ZCCHC14: variants seen among roughly 807,000 people sequenced by gnomAD.
ZCCHC14 encodes the protein zinc finger CCHC domain-containing protein 14.
ZCCHC14 carries 16 observed loss-of-function variants against 85.0 expected under a neutral mutation model. The ratio of observed to expected loss-of-function variants is 0.19; its 90% CI spans 0.13 to 0.29. The LOEUF (loss-of-function observed/expected upper bound fraction) is 0.29, where lower values mean the gene tolerates loss of function less well. Among genes scored for constraint, ZCCHC14 ranks in the 10% least tolerant of loss-of-function variants. The pLI is 1.00. For missense variants in ZCCHC14, 1,303 were observed against 1,443.5 expected (o/e 0.90, Z 1.58); for synonymous variants, 775 against 630.7 (o/e 1.23, Z -3.43).
At position 87,413,086 on chromosome 16, in the gene ZCCHC14, C is replaced by G. The variant is rs759088374; in HGVS notation, c.1713G>C (p.Glu571Asp). 6.2e-7 allele frequency: 1 copy of G among 1,614,136 alleles called. No individual in the cohort carries two copies. The highest frequency in any genetic ancestry group is 8.5e-7 in the Non-Finnish European group (1 of 1,180,034). Residue 571 changes from glutamate to aspartate, a missense_variant, in exon 11 of 13, where the codon GAG becomes GAC. Physicochemically the swap from Glu to Asp is conservative, Grantham distance 45. Coordinates refer to ENST00000671377, the MANE Select transcript of ZCCHC14 (RefSeq NM_015144.3). The part of the protein sequence containing the change: ...SSPMGVQARE[E>D]SSDSAEENDR... ...CATTCTCCTCAGCGCTGTCGGAGCT[C>G]TCTTCCCGGGCCTGTACCCCCATGG...
intron 3 of ZCCHC14, among the ~76,000 whole-genome samples, chr16:87,430,283 C>G (rs1486405384): frequency 6.6e-6 from 1 of 152,132 alleles, no homozygotes; most frequent in East Asian, 1.9e-4. Flanking sequence ...TCCAGGGTGT[C>G]TGCTGAAAAG....
At chr16:87,438,370 C>G (rs1461594870) in intron 2 of ZCCHC14, among the ~76,000 whole-genome samples, 1 of 152,216 alleles carries the variant, frequency 6.6e-6, no homozygotes, top group Non-Finnish European at 1.5e-5. Flanking sequence ...TTAAAGGGCT[C>G]TTTCAATAAA....
rs551056111 is a variant in ZCCHC14 at position 87,467,557 on chromosome 16, C to T, written c.571-7426G>A. On this transcript the variant is annotated intron_variant, in intron 1 of 12. Coordinates refer to ENST00000671377, the MANE Select transcript of ZCCHC14 (RefSeq NM_015144.3). ...CAGAAGCCTATTTTTAATGTCATCC[C>T]ACCAATTCCCGTTGGTTCTGAAAAT... is the stretch of plus-strand genomic sequence containing the variant. 1.4e-5 allele frequency: 22 copies of T among 1,571,886 alleles called. No homozygotes were observed. The South Asian group carries it at 2.2e-4, about 16-fold the overall frequency.
chr16:87,475,311 G>T (rs1911954172), intron 1 of ZCCHC14, among the ~76,000 whole-genome samples: 1 of 152,096 alleles, frequency 6.6e-6, no homozygotes, highest in Non-Finnish European at 1.5e-5. Context: ...CAGCACTTAG[G>T]GAGGCCAAGG....
chr16:87,413,526 C>T (rs956943861), intron 10 of ZCCHC14, among the ~76,000 whole-genome samples: 4 of 152,046 alleles, frequency 2.6e-5, no homozygotes, highest in Non-Finnish European at 4.4e-5. Context: ...GGCCGAGTCA[C>T]GGAGATCTTT....
chr16:87,444,391 A>G (rs1354715555), intron 2 of ZCCHC14, among the ~76,000 whole-genome samples: 1 of 152,248 alleles, frequency 6.6e-6, no homozygotes, highest in African/African-American at 2.4e-5. Flanking sequence ...TAACGACATT[A>G]ATGGATTATA....
intron 1 of ZCCHC14, among the ~76,000 whole-genome samples, chr16:87,469,464 G>A (rs1911680611): frequency 1.3e-5 from 2 of 152,384 alleles, no homozygotes; most frequent in South Asian, 4.1e-4. Flanking sequence ...AAGGAGGCGA[G>A]CGGAGCACAG....
chr16:87,415,679 C>G (rs1398654429), intron 8 of ZCCHC14, among the ~76,000 whole-genome samples: 1 of 152,214 alleles, frequency 6.6e-6, no homozygotes, highest in Non-Finnish European at 1.5e-5. Context: ...TGCCCACTTG[C>G]CCTCTGCTCT....
In ZCCHC14 at chr16:87,433,218, A is replaced by G. The variant is rs1234531266; in HGVS notation, c.695-17T>C. 3 of 1,610,134 alleles carry G rather than the reference A, an allele frequency of 1.9e-6. No homozygotes were observed. Among genetic ancestry groups the G allele is most frequent in the South Asian group, 2.2e-5 (2 of 90,892 alleles). ...CAACACTCACTGTAAAAGTAAAACA[A>G]AAAACAAAAATGAAATAAGAGCTTG... On this transcript the variant is annotated splice_polypyrimidine_tract_variant and intron_variant, in intron 2 of 12. Transcript: ENST00000671377.
chr16:87,451,745 A>G (rs1255086070), intron 2 of ZCCHC14, among the ~76,000 whole-genome samples: 1 of 152,192 alleles, frequency 6.6e-6, no homozygotes, highest in African/African-American at 2.4e-5. Context: ...TGCTGTTGTC[A>G]TTGGAGCGGA....
At position 87,418,900 on chromosome 16, in the gene ZCCHC14, A is replaced by G. The variant is rs112110330; in HGVS notation, c.1047T>C (p.Ser349=). Residue 349 remains serine (S), a splice_region_variant and synonymous_variant, in exon 7 of 13, where the codon AGT becomes AGC. Transcript: ENST00000671377. The part of the protein sequence containing the change: ...SSPPQQLQSP[S]PGNPSLSKVG... ...CTTTAGAAAGGGAGGGATTGCCAGGACCTATAAATTTAAAAATAAATACCA... is the reference window on the plus strand; with the variant it reads ...CTTTAGAAAGGGAGGGATTGCCAGGGCCTATAAATTTAAAAATAAATACCA... The G allele has an allele frequency of 6.2e-7, 1 of 1,608,696 alleles. No individual in the cohort carries two copies. The highest frequency in any genetic ancestry group is 2.2e-5 in the East Asian group (1 of 44,770).
chr16:87,436,855 G>A (rs1375465532), intron 2 of ZCCHC14, among the ~76,000 whole-genome samples: 1 of 152,220 alleles, frequency 6.6e-6, no homozygotes, highest in Non-Finnish European at 1.5e-5. Context: ...GGGAACAGCT[G>A]TGTACGGTGG....
At position 87,478,511 on chromosome 16, in the gene ZCCHC14, G is replaced by T. The variant is rs142015673; in HGVS notation, c.570+13158C>A. Among the ~76,000 whole-genome samples, 648 of 152,142 alleles carry T rather than the reference G, an allele frequency of 4.3e-3. 4 individuals carry two copies. Among genetic ancestry groups the T allele is most frequent in the African/African-American group, 0.014 (587 of 41,422 alleles). On this transcript the variant is annotated intron_variant, in intron 1 of 12. Transcript: ENST00000671377. Reference sequence around the variant, plus strand: ...CTCCCAGAGGTGGTGTGCAAGTTCTGTGAGTATCTATTTGTGTCCGGGTAG... The same window carrying T: ...CTCCCAGAGGTGGTGTGCAAGTTCTTTGAGTATCTATTTGTGTCCGGGTAG...
chr16:87,410,967 CAAG>C (rs1295912306), intron 12 of ZCCHC14, among the ~76,000 whole-genome samples: 2 of 152,184 alleles, frequency 1.3e-5, no homozygotes, highest in African/African-American at 4.8e-5. Context: ...AAACAGACAG[CAAG>C]AAGAACCCTA....
At position 87,476,806 on chromosome 16, in the gene ZCCHC14, C is replaced by T. The variant is rs113903490; in HGVS notation, c.570+14863G>A. Among the ~76,000 whole-genome samples the T allele has an allele frequency of 1.4e-4, 22 of 151,884 alleles. No individual in the cohort carries two copies. In the East Asian group the frequency reaches 3.5e-3, roughly 24 times the overall value. ...GGCTGACGGTCATACCGCACAAACC[C>T]GCATCAAGGCTTACTGCTTCTGTCA... On this transcript the variant is annotated intron_variant, in intron 1 of 12. Transcript: ENST00000671377.
At chr16:87,436,486 G>C (rs1909928713) in intron 2 of ZCCHC14, among the ~76,000 whole-genome samples, 1 of 152,232 alleles carries the variant, frequency 6.6e-6, no homozygotes, top group Non-Finnish European at 1.5e-5. Flanking sequence ...GCGGGGGCTG[G>C]GTGACCAGCC....
intron 4 of ZCCHC14, among the ~76,000 whole-genome samples, chr16:87,422,776 C>T (rs1909170090): frequency 6.6e-6 from 1 of 151,844 alleles, no homozygotes; most frequent in African/African-American, 2.4e-5. Context: ...GACAAAAGCC[C>T]AATGAGAGGT....
At position 87,493,005 on chromosome 16, in the gene ZCCHC14, C is replaced by T. The variant is rs1012013111; in HGVS notation, c.-767G>A. On this transcript the variant is annotated 5_prime_UTR_variant, in exon 1 of 13. Transcript: ENST00000671377. Reference sequence around the variant, plus strand: ...GATCGTCGCGCTCGCGGCTGACGGGCGGCCGGGATCAGCAGAAGTGGGCGG... The same window carrying T: ...GATCGTCGCGCTCGCGGCTGACGGGTGGCCGGGATCAGCAGAAGTGGGCGG... Among the ~76,000 whole-genome samples the T allele has an allele frequency of 1.3e-5, 2 of 151,866 alleles. No individual in the cohort carries two copies. The highest frequency in any genetic ancestry group is 2.4e-5 in the African/African-American group (1 of 41,410).
Position 87,413,024 on chromosome 16 carries a change from G to C in ZCCHC14, c.1744+31C>G, listed in dbSNP as rs376157549. ...TCAGTGCCATTCCACAGCTGGGCCAGGTCGAGCCAGCGCCGCGCACGTGCC... is the reference window on the plus strand; with the variant it reads ...TCAGTGCCATTCCACAGCTGGGCCACGTCGAGCCAGCGCCGCGCACGTGCC... On this transcript the variant is annotated intron_variant, in intron 11 of 12. Coordinates refer to ENST00000671377, the MANE Select transcript of ZCCHC14 (RefSeq NM_015144.3). The C allele has an allele frequency of 4.8e-5, 77 of 1,614,140 alleles. No homozygotes were observed. The African/African-American group carries it at 8.4e-4, about 18-fold the overall frequency.
Sources: gnomAD v4.1 joint callset for allele counts (sites outside exome capture counted in the v4.1 genomes callset) on GRCh38, gnomAD v4.1.1 for gene constraint, MANE v1.5 for transcripts, NCBI Gene and HGNC (gene_info 2026-07-23, HGNC 2026-07-21) for gene names.